The following EIF2AK1 variants were observed in gnomAD, a reference collection of about 807,000 sequenced individuals.
EIF2AK1 encodes the protein eukaryotic translation initiation factor 2-alpha kinase 1.
In EIF2AK1, 54 loss-of-function variants were observed where a neutral mutation model predicts 77.9. That is an observed-to-expected ratio of 0.69 (90% CI 0.56 to 0.87). The LOEUF is 0.87. EIF2AK1 is among the 40% of genes least tolerant of loss of function. The pLI is 0.00. For missense variants in EIF2AK1, 810 were observed against 768.6 expected (o/e 1.05, Z -0.64); for synonymous variants, 314 against 290.5 (o/e 1.08, Z -0.82).
At position 6,024,359 on chromosome 7, in the gene EIF2AK1, C is replaced by A; in HGVS notation, c.*314G>T. 1 of 1,194,044 alleles carries A rather than the reference C, an allele frequency of 8.4e-7. No homozygotes were observed. Among genetic ancestry groups the A allele is most frequent in the Non-Finnish European group, 1.0e-6 (1 of 963,628 alleles). The allele number at this position is 1,194,044 out of a possible 1,614,324, so 74.0% of individuals were successfully genotyped here. ...TGGGCAGTGACGAGGGCAGGGAGCA[C>A]ACATCAATTTCTGCGGTACCTTCTA... On this transcript the variant is annotated 3_prime_UTR_variant, in exon 15 of 15. Coordinates refer to ENST00000199389, the MANE Select transcript of EIF2AK1 (RefSeq NM_014413.4).
rs1788038575 is a variant in EIF2AK1 at position 6,035,126 on chromosome 7, A to G, written c.1332+2298T>C. 6.6e-6 allele frequency among the ~76,000 whole-genome samples: 1 copy of G among 152,210 alleles called. No individual in the cohort carries two copies. Among genetic ancestry groups the G allele is most frequent in the Non-Finnish European group, 1.5e-5 (1 of 68,044 alleles). ...GACACAGCCCTAGCGGGGACGGCACAGGTAAAACAGGCTGCTCCAAGAAGC... is the reference window on the plus strand; with the variant it reads ...GACACAGCCCTAGCGGGGACGGCACGGGTAAAACAGGCTGCTCCAAGAAGC... On this transcript the variant is annotated intron_variant, in intron 11 of 14. Transcript: ENST00000199389. The surrounding 1 kb of genome is among the most constrained non-coding windows in gnomAD (Gnocchi z 5.5).
At position 6,032,690 on chromosome 7, in the gene EIF2AK1, A is replaced by G; in HGVS notation, c.1333-3658T>C. 1.8e-6 allele frequency: 1 copy of G among 552,918 alleles called. No homozygotes were observed. Among genetic ancestry groups the G allele is most frequent in the East Asian group, 3.2e-5 (1 of 31,468 alleles). The allele number at this position is 552,918 out of a possible 1,614,324, so 34.3% of individuals were successfully genotyped here. On this transcript the variant is annotated intron_variant, in intron 11 of 14. Coordinates refer to ENST00000199389, the MANE Select transcript of EIF2AK1 (RefSeq NM_014413.4). This position sits in a 1 kb window ranked among gnomAD's most constrained non-coding sequence, Gnocchi z 4.3. ...ATTTTGATCATTTAAAACAGGTAGT[A>G]GAAAGGAAACTTTCAATGCACATAC...
intron 1 of EIF2AK1, among the ~76,000 whole-genome samples, chr7:6,056,613 A>AAAAAAAATATATATATAT: frequency 6.9e-5 from 3 of 43,734 alleles, no homozygotes; most frequent in Admixed American, 2.4e-4. Context: ...AAAAAAAAAA[A>AAAAAAAATATATATATAT]ATATATATAT....
At chr7:6,045,657 C>A (rs1488658264) in intron 6 of EIF2AK1, among the ~76,000 whole-genome samples, 5 of 151,398 alleles carry the variant, frequency 3.3e-5, no homozygotes, top group African/African-American at 1.2e-4. Flanking sequence ...TGACCTGGAA[C>A]TGGGCTCCTG....
Position 6,023,937 on chromosome 7 carries a change from C to A in EIF2AK1, c.*736G>T. The A allele has an allele frequency of 6.9e-7, 1 of 1,439,074 alleles. No individual in the cohort carries two copies. The allele number at this position is 1,439,074 out of a possible 1,614,324, so 89.1% of individuals were successfully genotyped here. A position where few individuals can be genotyped will look rare whatever the true frequency, so the allele number is the denominator to read the frequency against. ...TTCTGGGATTCAAAAACCAATTCAT[C>A]AGATCGCTGCCTCTGAGGGATGTAC... On this transcript the variant is annotated 3_prime_UTR_variant, in exon 15 of 15. Transcript: ENST00000199389.
At chr7:6,044,300 T>TA (rs1450788614) in intron 7 of EIF2AK1, among the ~76,000 whole-genome samples, 1 of 148,930 alleles carries the variant, frequency 6.7e-6, no homozygotes, top group Non-Finnish European at 1.5e-5. Flanking sequence ...CTGTCTCTAC[T>TA]AAAAAATACC....
At chr7:6,028,518 C>G (rs1212133377) in intron 13 of EIF2AK1, 97 bp downstream of exon 13, 10 of 1,236,678 alleles carry the variant, frequency 8.1e-6, no homozygotes, top group South Asian at 3.7e-5. Flanking sequence ...TCCCAAAGTG[C>G]TGGGATTACA....
chr7:6,034,450 A>G (rs1404801494), intron 11 of EIF2AK1, among the ~76,000 whole-genome samples: 1 of 151,586 alleles, frequency 6.6e-6, no homozygotes, highest in East Asian at 1.9e-4. Flanking sequence ...CCACATCTCA[A>G]CCATCACAGA....
chr7:6,026,516 C>T (rs1233066485), intron 14 of EIF2AK1: 9 of 694,324 alleles, frequency 1.3e-5, no homozygotes, highest in Non-Finnish European at 1.9e-5. Flanking sequence ...CTGCTGAGGC[C>T]ACAGCTGCTA....
chr7:6,056,613 A>AAAAAAATATATATATAT, intron 1 of EIF2AK1, among the ~76,000 whole-genome samples: 2 of 43,730 alleles, frequency 4.6e-5, no homozygotes, highest in Admixed American at 2.4e-4. Flanking sequence ...AAAAAAAAAA[A>AAAAAAATATATATATAT]ATATATATAT....
At position 6,024,193 on chromosome 7, in the gene EIF2AK1, G is replaced by A; in HGVS notation, c.*480C>T. On this transcript the variant is annotated 3_prime_UTR_variant, in exon 15 of 15. Coordinates refer to ENST00000199389, the MANE Select transcript of EIF2AK1 (RefSeq NM_014413.4). The stretch of plus-strand genomic sequence containing the variant: ...TAAGAAGTTGAGCTTTTATCTTAGA[G>A]GCAGCAGAAGGTTTGGAGCCAAGGA... 8.0e-7 allele frequency: 1 copy of A among 1,250,800 alleles called. No homozygotes were observed. Among genetic ancestry groups the A allele is most frequent in the South Asian group, 1.3e-5 (1 of 75,482 alleles). 77.5% of individuals were successfully genotyped at this position (1,250,800 alleles called of 1,614,324 possible). A position where few individuals can be genotyped will look rare whatever the true frequency, so the allele number is the denominator to read the frequency against.
intron 1 of EIF2AK1, among the ~76,000 whole-genome samples, chr7:6,055,476 G>GGTAA (rs1395733616): frequency 6.6e-6 from 1 of 151,494 alleles, no homozygotes; most frequent in Non-Finnish European, 1.5e-5. Context: ...AATAATATAA[G>GGTAA]GTAAGTGTTC....
chr7:6,022,897 T>G lies in EIF2AK1; in HGVS notation c.*1776A>C, dbSNP rs3801032. 0.81 allele frequency: 143,426 copies of G among 177,616 alleles called. 58,143 individuals are homozygous for G. The highest frequency in any genetic ancestry group is 0.92 in the East Asian group (5,792 of 6,284). 11.0% of individuals were successfully genotyped at this position (177,616 alleles called of 1,614,324 possible). ...CTTCTGGTTTATGTTGATATGGAGA[T>G]AAGCGAGTTCATGTCATTCATATCT... On this transcript the variant is annotated 3_prime_UTR_variant, in exon 15 of 15. Transcript: ENST00000199389.
Position 6,023,054 on chromosome 7 carries a change from T to C in EIF2AK1, c.*1619A>G, listed in dbSNP as rs1319090191. ...GGAGCAGGTGGTCTGAGGTCCCTTC[T>C]AGCTTCAGAAGTGTCATAATCAAAT... is the stretch of plus-strand genomic sequence containing the variant. On this transcript the variant is annotated 3_prime_UTR_variant, in exon 15 of 15. Transcript: ENST00000199389. 3.3e-5 allele frequency: 15 copies of C among 452,960 alleles called. No homozygotes were observed. The highest frequency in any genetic ancestry group is 3.8e-5 in the Non-Finnish European group (10 of 260,984). 28.1% of individuals were successfully genotyped at this position (452,960 alleles called of 1,614,324 possible).
In EIF2AK1 at chr7:6,026,436, G is replaced by A. The variant is rs563969691; in HGVS notation, c.1764+292C>T. ...ACCAGGCCCCAGGAAGTTTCCTACC[G>A]GCCTTCGCTGTGGGGTTGGCCCCCA... On this transcript the variant is annotated intron_variant, in intron 14 of 14. Coordinates refer to ENST00000199389, the MANE Select transcript of EIF2AK1 (RefSeq NM_014413.4). 733 of 581,606 alleles carry A rather than the reference G, an allele frequency of 1.3e-3. 2 individuals are homozygous for A. The highest frequency in any genetic ancestry group is 1.9e-3 in the Non-Finnish European group (581 of 299,066). The allele number at this position is 581,606 out of a possible 1,614,324, so 36.0% of individuals were successfully genotyped here.
chr7:6,040,803 G>T (rs573192461), intron 9 of EIF2AK1, 89 bp downstream of exon 9: 1 of 1,104,688 alleles, frequency 9.1e-7, no homozygotes, highest in Non-Finnish European at 1.3e-6. Flanking sequence ...GGGCAGAAGC[G>T]CCAGAGCTGA....
In EIF2AK1 at chr7:6,040,925, G is replaced by C; in HGVS notation, c.1086C>G (p.Ser362=). The change falls in exon 9 of 15, where the codon TCC becomes TCG. Residue 362 remains serine, a synonymous_variant. Transcript: ENST00000199389. ...EESFTSTEES[S]EENVNFLGQT... Reference sequence around the variant, plus strand: ...GACCCAAAAAGTTGACATTTTCTTCGGAAGATTCTTCGGTGGATGTGAAAC... The same window carrying C: ...GACCCAAAAAGTTGACATTTTCTTCCGAAGATTCTTCGGTGGATGTGAAAC... 1.9e-6 allele frequency: 3 copies of C among 1,614,058 alleles called. No homozygotes were observed. The highest frequency in any genetic ancestry group is 2.5e-6 in the Non-Finnish European group (3 of 1,179,988).
intron 1 of EIF2AK1, among the ~76,000 whole-genome samples, chr7:6,056,631 T>TATATATATATATATATATGTAG: frequency 8.2e-6 from 1 of 121,330 alleles, no homozygotes; most frequent in East Asian, 2.5e-4. Flanking sequence ...TATATATATA[T>TATATATATATATATATATGTAG]ATATAAACTC....
At chr7:6,054,407 T>C in intron 2 of EIF2AK1, 139 bp downstream of exon 2, 1 of 877,880 alleles carries the variant, frequency 1.1e-6, no homozygotes, top group African/African-American at 1.7e-5. Flanking sequence ...TTTCGTCATG[T>C]TAGCCAAACC....
Sources: allele counts gnomAD v4.1 joint callset (sites outside exome capture counted in the v4.1 genomes callset), GRCh38; gene constraint gnomAD v4.1.1; non-coding constraint Gnocchi (gnomAD v3.1); transcripts MANE v1.5; gene names NCBI Gene and HGNC (gene_info 2026-07-23, HGNC 2026-07-21).